Variants in DENND4C observed in about 807,000 individuals in gnomAD.
DENND4C encodes DENN domain containing 4C.
In DENND4C, 108 loss-of-function variants were observed where a neutral mutation model predicts 203.0. The ratio of observed to expected loss-of-function variants is 0.53; its 90% CI spans 0.46 to 0.62. The LOEUF (loss-of-function observed/expected upper bound fraction) is 0.62, where lower values mean the gene tolerates loss of function less well. DENND4C is among the 20% of genes least tolerant of loss of function. The pLI is 0.00. For synonymous variants in DENND4C, 871 were observed against 792.4 expected (o/e 1.10, Z -1.67); for missense variants, 2,481 against 2,301.2 (o/e 1.08, Z -1.60).
At chr9:19,271,476 A>C (rs1831653084) in intron 1 of DENND4C, among the ~76,000 whole-genome samples, 1 of 152,098 alleles carries the variant, frequency 6.6e-6, no homozygotes, top group African/African-American at 2.4e-5. Flanking sequence ...TGCTGGAATT[A>C]CAGGTGTGAG....
intron 16 of DENND4C, among the ~76,000 whole-genome samples, chr9:19,328,689 A>ATCTG: frequency 6.6e-6 from 1 of 150,910 alleles, no homozygotes; most frequent in East Asian, 1.9e-4. Flanking sequence ...CTATCTATCT[A>ATCTG]TCTATCTGTC....
At chr9:19,237,849 T>C (rs1327460961) in intron 1 of DENND4C, among the ~76,000 whole-genome samples, 2 of 152,198 alleles carry the variant, frequency 1.3e-5, no homozygotes, top group African/African-American at 2.4e-5. Flanking sequence ...TAAGTGAAAT[T>C]AAATTTAATG....
chr9:19,329,846 C>T (rs76697639), intron 16 of DENND4C, among the ~76,000 whole-genome samples: 105 of 152,276 alleles, frequency 6.9e-4, no homozygotes, highest in African/African-American at 2.5e-3. Flanking sequence ...CTTAGGACAA[C>T]CTAGACATCT....
At chr9:19,309,572 CT>C (rs902264006) in intron 10 of DENND4C, among the ~76,000 whole-genome samples, 5 of 150,752 alleles carry the variant, frequency 3.3e-5, no homozygotes, top group East Asian at 1.9e-4. Flanking sequence ...TGGTATGAGA[CT>C]TTTTTTTTGG....
At chr9:19,258,743 C>T (rs925567705) in intron 1 of DENND4C, among the ~76,000 whole-genome samples, 3 of 151,958 alleles carry the variant, frequency 2.0e-5, no homozygotes, top group Admixed American at 6.6e-5. Flanking sequence ...CAGCCTCTGC[C>T]TTCTGGGTTC....
At chr9:19,268,407 T>C (rs943844428) in intron 1 of DENND4C, among the ~76,000 whole-genome samples, 6 of 152,206 alleles carry the variant, frequency 3.9e-5, no homozygotes, top group African/African-American at 1.4e-4. Flanking sequence ...GTTGTAGTTA[T>C]TATTTTTGAT....
chr9:19,321,021 T>C (rs1842790253), intron 12 of DENND4C, among the ~76,000 whole-genome samples: 1 of 152,238 alleles, frequency 6.6e-6, no homozygotes, highest in Admixed American at 6.5e-5. Context: ...ATTAACCAGG[T>C]TATGCAGGAT....
At chr9:19,277,323 G>A (rs182595557) in intron 2 of DENND4C, among the ~76,000 whole-genome samples, 11 of 152,260 alleles carry the variant, frequency 7.2e-5, no homozygotes, top group Non-Finnish European at 1.6e-4. Flanking sequence ...GCTTGTGAAC[G>A]TGGAATGTTT....
At chr9:19,291,152 A>G (rs1415378489) in intron 5 of DENND4C, among the ~76,000 whole-genome samples, 2 of 152,320 alleles carry the variant, frequency 1.3e-5, no homozygotes, top group East Asian at 3.9e-4. Flanking sequence ...GATCAAGGAC[A>G]TAGGTACCAT....
chr9:19,305,148 C>T (rs151270686), intron 9 of DENND4C, among the ~76,000 whole-genome samples: 1 of 151,982 alleles, frequency 6.6e-6, no homozygotes, highest in Admixed American at 6.6e-5. Context: ...TTATGATCAT[C>T]GTCATGGCTT....
intron 30 of DENND4C, among the ~76,000 whole-genome samples, chr9:19,366,108 C>T (rs953485273): frequency 3.3e-5 from 5 of 152,060 alleles, no homozygotes; most frequent in African/African-American, 9.7e-5. Context: ...CTTAGAATCA[C>T]GAAAACAATC....
intron 20 of DENND4C, among the ~76,000 whole-genome samples, chr9:19,337,242 A>T (rs1750807113): frequency 6.6e-6 from 1 of 152,232 alleles, no homozygotes; most frequent in Non-Finnish European, 1.5e-5. Context: ...GAGAAAAAGT[A>T]TTCTCTTTAA....
intron 16 of DENND4C, among the ~76,000 whole-genome samples, chr9:19,331,327 C>A (rs976891835): frequency 6.6e-6 from 1 of 151,862 alleles, no homozygotes. Context: ...CTCAAACTCC[C>A]GAGTAGCTGG....
intron 12 of DENND4C, among the ~76,000 whole-genome samples, chr9:19,320,120 A>C (rs375379029): frequency 1.3e-5 from 2 of 152,324 alleles, no homozygotes; most frequent in African/African-American, 4.8e-5. Context: ...AAAGTAAAAA[A>C]TAGGGGGAAA....
intron 9 of DENND4C, among the ~76,000 whole-genome samples, chr9:19,304,412 G>A (rs1839230309): frequency 6.6e-6 from 1 of 151,916 alleles, no homozygotes; most frequent in Non-Finnish European, 1.5e-5. Flanking sequence ...TCAAACTTCT[G>A]ACCACAAGTG....
intron 1 of DENND4C, among the ~76,000 whole-genome samples, chr9:19,241,978 C>T (rs540412448): frequency 1.3e-5 from 2 of 152,214 alleles, no homozygotes; most frequent in South Asian, 2.1e-4. Context: ...ATTGCTTGAG[C>T]CCAGGAGTTT....
intron 1 of DENND4C, among the ~76,000 whole-genome samples, chr9:19,245,014 G>T (rs1824794732): frequency 6.6e-6 from 1 of 152,160 alleles, no homozygotes; most frequent in Admixed American, 6.5e-5. Context: ...GCAGATCGCA[G>T]GTTTCTTTTC....
intron 17 of DENND4C, among the ~76,000 whole-genome samples, chr9:19,332,692 TC>T (rs894452621): frequency 6.6e-5 from 10 of 150,406 alleles, no homozygotes; most frequent in Non-Finnish European, 3.0e-5. Flanking sequence ...AGATGGAGTC[TC>T]ACTCCTCTCT....
intron 30 of DENND4C, among the ~76,000 whole-genome samples, chr9:19,369,160 A>G (rs557189524): frequency 6.6e-6 from 1 of 152,198 alleles, no homozygotes; most frequent in Admixed American, 6.5e-5. Context: ...AAGTAAATAC[A>G]TTTTTAAAAA....
Sources: allele counts gnomAD v4.1 joint callset (sites outside exome capture counted in the v4.1 genomes callset), GRCh38; gene constraint gnomAD v4.1.1; transcripts MANE v1.5; gene names NCBI Gene and HGNC (gene_info 2026-07-23, HGNC 2026-07-21).